GPC6: variants seen among roughly 807,000 people sequenced by gnomAD.
GPC6 encodes the protein glypican 6, also known as glypican-6.
Under a neutral mutation model 55.2 loss-of-function variants are expected in GPC6, and 14 were observed. That is an observed-to-expected ratio of 0.25 (90% CI 0.17 to 0.40). The LOEUF is 0.40. Among genes scored for constraint, GPC6 ranks in the 10% least tolerant of loss-of-function variants. The pLI, the probability that GPC6 is intolerant of heterozygous loss-of-function variation, is 1.00. For missense variants in GPC6, 641 were observed against 708.5 expected, an observed-to-expected ratio of 0.90 and a Z score of 1.08; for synonymous variants, 278 against 259.6, an observed-to-expected ratio of 1.07 and a Z score of -0.68.
rs1393795149 is a variant in GPC6, at chr13:93,685,513, A to G, written c.319+140092A>G. On this transcript the variant is annotated intron_variant, in intron 2 of 8. Coordinates refer to ENST00000377047, the MANE Select transcript of GPC6 (RefSeq NM_005708.5). ...TGGAGCATGAAGTGCCAGAGAATGT[A>G]TAAGCTTAACACCTGCCATTTAAAA... 4.6e-5 allele frequency among the ~76,000 whole-genome samples: 7 copies of G among 152,326 alleles called. No homozygotes were observed. In the South Asian group the frequency reaches 8.3e-4, roughly 18 times the overall value.
intron 1 of GPC6, among the ~76,000 whole-genome samples, chr13:93,402,556 C>T (rs1876130538): frequency 6.6e-6 from 1 of 152,118 alleles, no homozygotes; most frequent in Non-Finnish European, 1.5e-5. Flanking sequence ...AGGAAATTGC[C>T]ATGGCCAGGC....
Position 93,231,422 on chromosome 13 carries a change from T to TATATAC in GPC6, c.160+3807_160+3808insTATACA, listed in dbSNP as rs1271799609. The stretch of plus-strand genomic sequence containing the variant: ...GTATATATATATATATATATATATA[T>TATATAC]ACGTATATATATATATATAGTCTGG... On this transcript the variant is annotated intron_variant, in intron 1 of 8. Transcript: ENST00000377047. Among the ~76,000 whole-genome samples the TATATAC allele has an allele frequency of 3.0e-4, 15 of 49,972 alleles. No homozygotes were observed. In the East Asian group the frequency reaches 6.1e-3, roughly 20 times the overall value. The allele number at this position is 49,972 out of a possible 152,430, so 32.8% of individuals were successfully genotyped here.
rs544575036 is a variant in GPC6, at chr13:94,027,930, G to A, written c.877+36G>A. Reference sequence around the variant, plus strand: ...TTTAAATGGATCCGAGAACAGAGACGGGACAACAGCAAGTGTTTATGGGGC... The same window carrying A: ...TTTAAATGGATCCGAGAACAGAGACAGGACAACAGCAAGTGTTTATGGGGC... On this transcript the variant is annotated intron_variant, in intron 4 of 8. Transcript: ENST00000377047. 1.2e-4 allele frequency: 195 copies of A among 1,586,190 alleles called. No homozygotes were observed. The Middle Eastern group carries it at 2.8e-3, about 22-fold the overall frequency.
At chr13:93,354,349 ATTTTTT>A (rs11454186) in intron 1 of GPC6, among the ~76,000 whole-genome samples, 36 of 115,794 alleles carry the variant, frequency 3.1e-4, no homozygotes, top group African/African-American at 1.0e-3. Flanking sequence ...CCGTTGGTAG[ATTTTTT>A]TTTTTTTTTT....
intron 1 of GPC6, among the ~76,000 whole-genome samples, chr13:93,463,171 T>A (rs1878766663): frequency 6.6e-6 from 1 of 152,236 alleles, no homozygotes; most frequent in Non-Finnish European, 1.5e-5. Flanking sequence ...ATGAAATTAC[T>A]TGTGGTATAA....
intron 3 of GPC6, among the ~76,000 whole-genome samples, chr13:93,982,346 T>A (rs1307365830): frequency 1.3e-5 from 2 of 152,148 alleles, no homozygotes; most frequent in Non-Finnish European, 2.9e-5. Context: ...TACAATGTGA[T>A]TAGTCCCAGA....
At chr13:93,319,446 A>T (rs920740607) in intron 1 of GPC6, among the ~76,000 whole-genome samples, 4 of 152,276 alleles carry the variant, frequency 2.6e-5, no homozygotes, top group Admixed American at 2.0e-4. Flanking sequence ...TAACTTAGAG[A>T]AATAAAAGTT....
chr13:93,544,140 A>T (rs930270975), intron 1 of GPC6, among the ~76,000 whole-genome samples: 1 of 147,956 alleles, frequency 6.8e-6, no homozygotes, highest in African/African-American at 2.4e-5. Flanking sequence ...CCTCAACAGT[A>T]AAAAAAGAAA....
chr13:93,364,935 CTT>C lies in GPC6; in HGVS notation c.160+137321_160+137322del, dbSNP rs559791878. On this transcript the variant is annotated intron_variant, in intron 1 of 8. Coordinates refer to ENST00000377047, the MANE Select transcript of GPC6 (RefSeq NM_005708.5). ...CATTTATGGATCCTCCCCATCTTGT[CTT>C]TGGTTCTTCTTCCTTGGCATACTCC... is the stretch of plus-strand genomic sequence containing the variant. 5.9e-5 allele frequency among the ~76,000 whole-genome samples: 9 copies of C among 152,018 alleles called. No homozygotes were observed. In the South Asian group the frequency reaches 1.9e-3, roughly 32 times the overall value.
chr13:93,421,266 G>T (rs182340631), intron 1 of GPC6, among the ~76,000 whole-genome samples: 1 of 152,090 alleles, frequency 6.6e-6, no homozygotes, highest in Non-Finnish European at 1.5e-5. Context: ...CTTGGGACTA[G>T]CACAGGATGT....
intron 4 of GPC6, among the ~76,000 whole-genome samples, chr13:94,253,942 T>G: frequency 6.6e-6 from 1 of 152,246 alleles, no homozygotes; most frequent in South Asian, 2.1e-4. Context: ...GTCTCTTAGG[T>G]TGGTAGCACA....
At chr13:94,154,872 C>G (rs2138902343) in intron 4 of GPC6, among the ~76,000 whole-genome samples, 1 of 152,208 alleles carries the variant, frequency 6.6e-6, no homozygotes, top group East Asian at 1.9e-4. Context: ...TCTTCTGCAC[C>G]CAATATCATT....
At chr13:94,305,609 A>G (rs1243808850) in intron 5 of GPC6, among the ~76,000 whole-genome samples, 1 of 152,212 alleles carries the variant, frequency 6.6e-6, no homozygotes, top group Non-Finnish European at 1.5e-5. Context: ...CTCCAACCTC[A>G]GCTGGGAACA....
At chr13:93,904,008 G>A (rs1876499889) in intron 3 of GPC6, among the ~76,000 whole-genome samples, 3 of 152,078 alleles carry the variant, frequency 2.0e-5, no homozygotes, top group Admixed American at 1.3e-4. Flanking sequence ...AGATTAAAGT[G>A]ATACCTGTCA....
At chr13:94,136,649 G>A (rs142724475) in intron 4 of GPC6, among the ~76,000 whole-genome samples, 1 of 152,180 alleles carries the variant, frequency 6.6e-6, no homozygotes. Context: ...AGCAGAGCTT[G>A]CAGTGAGCCA....
chr13:93,269,891 CAAAA>C (rs529558741), intron 1 of GPC6, among the ~76,000 whole-genome samples: 1 of 52,596 alleles, frequency 1.9e-5, no homozygotes, highest in Non-Finnish European at 3.7e-5. Flanking sequence ...GACTCCATCT[CAAAA>C]AAAAAAAAAA....
At chr13:94,035,637 G>A (rs1287533441) in intron 4 of GPC6, among the ~76,000 whole-genome samples, 1 of 152,004 alleles carries the variant, frequency 6.6e-6, no homozygotes, top group Non-Finnish European at 1.5e-5. Flanking sequence ...AAAGTCTCAA[G>A]ATTAGCAGCT....
chr13:93,705,191 T>A (rs754041806), intron 2 of GPC6, among the ~76,000 whole-genome samples: 10 of 151,968 alleles, frequency 6.6e-5, no homozygotes, highest in Non-Finnish European at 1.2e-4. Flanking sequence ...GTATTCTATA[T>A]CATGTTGTCC....
At chr13:93,239,049 T>G (rs1170229888) in intron 1 of GPC6, among the ~76,000 whole-genome samples, 1 of 152,038 alleles carries the variant, frequency 6.6e-6, no homozygotes, top group African/African-American at 2.4e-5. Flanking sequence ...CCCACAGTTT[T>G]ATTTTTTTGT....
Sources: allele counts gnomAD v4.1 joint callset (sites outside exome capture counted in the v4.1 genomes callset), GRCh38; gene constraint gnomAD v4.1.1; transcripts MANE v1.5; gene names NCBI Gene and HGNC (gene_info 2026-07-23, HGNC 2026-07-21).